The following PDS5B variants were observed in gnomAD, a reference collection of about 807,000 sequenced individuals.
PDS5B encodes the protein sister chromatid cohesion protein PDS5 homolog B.
Under a neutral mutation model 184.1 loss-of-function variants are expected in PDS5B, and 51 were observed. The ratio of observed to expected loss-of-function variants is 0.28; its 90% CI spans 0.22 to 0.35. The LOEUF is 0.35. Among genes scored for constraint, PDS5B ranks in the 10% least tolerant of loss-of-function variants. PDS5B has a pLI of 1.00. For synonymous variants in PDS5B, 566 were observed against 569.2 expected (o/e 0.99, Z 0.08); for missense variants, 1,180 against 1,723.3 (o/e 0.68, Z 5.58).
intron 1 of PDS5B, among the ~76,000 whole-genome samples, chr13:32,598,222 G>T (rs1003661792): frequency 7.2e-5 from 11 of 151,864 alleles, no homozygotes; most frequent in Admixed American, 1.3e-4. Flanking sequence ...ACAGGCACCC[G>T]CCACCACGCC....
At chr13:32,629,257 C>A (rs115967424) in intron 1 of PDS5B, among the ~76,000 whole-genome samples, 1 of 151,316 alleles carries the variant, frequency 6.6e-6, no homozygotes, top group Non-Finnish European at 1.5e-5. Context: ...CCGAGTTGTT[C>A]GATTTTTTTT....
At chr13:32,714,676 G>A (rs759289219) in intron 19 of PDS5B, among the ~76,000 whole-genome samples, 1 of 152,118 alleles carries the variant, frequency 6.6e-6, no homozygotes, top group Non-Finnish European at 1.5e-5. Flanking sequence ...AGAGAAATAC[G>A]GCTCTGTTAT....
At chr13:32,699,928 C>G in intron 16 of PDS5B, 59 bp downstream of exon 16, 6 of 1,449,394 alleles carry the variant, frequency 4.1e-6, no homozygotes, top group Admixed American at 2.8e-5. Flanking sequence ...TATTGTTTCT[C>G]TCTTTTATAA....
intron 6 of PDS5B, among the ~76,000 whole-genome samples, chr13:32,663,983 T>C (rs1402917809): frequency 6.6e-6 from 1 of 152,234 alleles, no homozygotes; most frequent in East Asian, 1.9e-4. Flanking sequence ...TGGTTTCCCA[T>C]TCCTGAGTTA....
chr13:32,676,264 A>G (rs1454518704), intron 9 of PDS5B, among the ~76,000 whole-genome samples: 1 of 152,160 alleles, frequency 6.6e-6, no homozygotes, highest in Non-Finnish European at 1.5e-5. Context: ...TCTTTGGGAG[A>G]TATAGCCTCT....
chr13:32,680,708 G>A (rs903306163), intron 10 of PDS5B, among the ~76,000 whole-genome samples: 4 of 152,118 alleles, frequency 2.6e-5, no homozygotes, highest in African/African-American at 7.2e-5. Context: ...TCTCTTCCTT[G>A]TTTTAAGATC....
chr13:32,767,579 C>G (rs192918904), intron 31 of PDS5B, among the ~76,000 whole-genome samples: 1 of 152,186 alleles, frequency 6.6e-6, no homozygotes, highest in East Asian at 1.9e-4. Flanking sequence ...ACCAGTGCAA[C>G]AACAAACATA....
At chr13:32,729,129 A>T (rs1036256295) in intron 19 of PDS5B, among the ~76,000 whole-genome samples, 1 of 151,656 alleles carries the variant, frequency 6.6e-6, no homozygotes, top group Admixed American at 6.6e-5. Context: ...CTGGTGTGTG[A>T]TGTTCCCCTC....
Position 32,652,020 on chromosome 13 carries a change from T to A in PDS5B, c.312+13T>A, listed in dbSNP as rs1593339294. ...TGATAAACTAAAGGCAAGTACTGAT[T>A]TAAATAACTCCAAGATTGACCGATA... On this transcript the variant is annotated intron_variant, in intron 3 of 34. Coordinates refer to ENST00000315596, the MANE Select transcript of PDS5B (RefSeq NM_015032.4). 1 of 1,534,608 alleles carries A rather than the reference T, an allele frequency of 6.5e-7. No individual in the cohort carries two copies.
intron 1 of PDS5B, among the ~76,000 whole-genome samples, chr13:32,623,533 T>C (rs2058330469): frequency 6.6e-6 from 1 of 152,184 alleles, no homozygotes; most frequent in African/African-American, 2.4e-5. Context: ...TAGTCTGACC[T>C]ATGTATAGGA....
At chr13:32,679,884 AGT>A (rs34635708) in intron 10 of PDS5B, among the ~76,000 whole-genome samples, 7,237 of 143,544 alleles carry the variant, frequency 0.05, 372 homozygotes, top group African/African-American at 0.14. Context: ...TTCGTCTGTG[AGT>A]GTGTGTGTGT....
chr13:32,613,125 C>T (rs568943135), intron 1 of PDS5B, among the ~76,000 whole-genome samples: 7 of 152,224 alleles, frequency 4.6e-5, no homozygotes, highest in African/African-American at 1.7e-4. Context: ...GGCTGTATTA[C>T]ATTTTGCTTA....
At chr13:32,680,815 C>G (rs1207207499) in intron 10 of PDS5B, among the ~76,000 whole-genome samples, 1 of 152,120 alleles carries the variant, frequency 6.6e-6, no homozygotes, top group African/African-American at 2.4e-5. Context: ...TTTTAAGAGA[C>G]AGGGTCTTAC....
At chr13:32,649,764 A>C (rs905347754) in intron 2 of PDS5B, 3 of 152,184 alleles carry the variant, frequency 2.0e-5, no homozygotes, top group African/African-American at 7.2e-5. Context: ...TTATACTTAA[A>C]GTATCAGAAT....
chr13:32,728,285 G>A (rs1247412473), intron 19 of PDS5B, among the ~76,000 whole-genome samples: 1 of 151,780 alleles, frequency 6.6e-6, no homozygotes, highest in Non-Finnish European at 1.5e-5. Flanking sequence ...TATCACTTAT[G>A]TCATTTTTGG....
intron 15 of PDS5B, among the ~76,000 whole-genome samples, chr13:32,697,129 G>A (rs1323244582): frequency 1.3e-5 from 2 of 152,074 alleles, no homozygotes; most frequent in African/African-American, 4.8e-5. Context: ...ATCTGTGTTT[G>A]GTTTTGCTTG....
chr13:32,757,885 C>T (rs777681392), intron 26 of PDS5B, among the ~76,000 whole-genome samples: 67 of 151,902 alleles, frequency 4.4e-4, no homozygotes, highest in Non-Finnish European at 8.5e-4. Flanking sequence ...CTTATAAGCT[C>T]ATATCTGCAT....
At chr13:32,732,282 T>G in intron 20 of PDS5B, 58 bp downstream of exon 20, 1 of 1,206,350 alleles carries the variant, frequency 8.3e-7, no homozygotes, top group Non-Finnish European at 1.2e-6. Context: ...AAACAAATAT[T>G]GATGATTTTA....
At chr13:32,703,341 A>G (rs1951916816) in intron 17 of PDS5B, among the ~76,000 whole-genome samples, 1 of 152,212 alleles carries the variant, frequency 6.6e-6, no homozygotes, top group South Asian at 2.1e-4. Context: ...GGTTTTCAGA[A>G]GTAAAGTATA....
Sources: allele counts gnomAD v4.1 joint callset (sites outside exome capture counted in the v4.1 genomes callset), GRCh38; gene constraint gnomAD v4.1.1; transcripts MANE v1.5; gene names NCBI Gene and HGNC (gene_info 2026-07-23, HGNC 2026-07-21).